FGD6: variants seen among roughly 807,000 people sequenced by gnomAD.
FGD6 encodes FYVE, RhoGEF and PH domain-containing protein 6.
In FGD6, 90 loss-of-function variants were observed where a neutral mutation model predicts 149.4. The observed-to-expected ratio is 0.60, with a 90% confidence interval of 0.51 to 0.72. The LOEUF is 0.72. Ranked by LOEUF, FGD6 falls within the 30% of genes least tolerant of loss-of-function variation. The pLI is 0.00. For missense variants in FGD6, 1,437 were observed against 1,684.8 expected, an observed-to-expected ratio of 0.85 and a Z score of 2.57; for synonymous variants, 527 against 584.0, an observed-to-expected ratio of 0.90 and a Z score of 1.41.
chr12:95,196,002 A>C (rs1032116868), intron 2 of FGD6, among the ~76,000 whole-genome samples: 1 of 151,594 alleles, frequency 6.6e-6, no homozygotes, highest in Admixed American at 6.6e-5. Context: ...CACGTCTCTA[A>C]TCAGCTACTT....
At chr12:95,105,851 C>G (rs1257326274) in intron 13 of FGD6, among the ~76,000 whole-genome samples, 1 of 152,020 alleles carries the variant, frequency 6.6e-6, no homozygotes, top group Non-Finnish European at 1.5e-5. Context: ...TAGTGAAACC[C>G]CGTCTCTGTG....
intron 5 of FGD6, among the ~76,000 whole-genome samples, chr12:95,143,441 C>T (rs1216096207): frequency 6.6e-6 from 1 of 152,188 alleles, no homozygotes; most frequent in East Asian, 1.9e-4. Context: ...ACTTAGGACT[C>T]AGTACCTGGG....
Position 95,217,424 on chromosome 12 carries a change from G to C in FGD6, c.-184C>G, listed in dbSNP as rs897132825. On this transcript the variant is annotated 5_prime_UTR_variant, in exon 1 of 21. Transcript: ENST00000343958. ...CGGCCGACTCTAGCGACCCTGCGGC[G>C]CTCCCGGGCGCGAGCCGCCGGGGTC... 1.0e-6 allele frequency: 1 copy of C among 984,262 alleles called. No individual in the cohort carries two copies. The highest frequency in any genetic ancestry group is 2.4e-5 in the South Asian group (1 of 41,300). The allele number at this position is 984,262 out of a possible 1,614,324, so 61.0% of individuals were successfully genotyped here.
intron 5 of FGD6, among the ~76,000 whole-genome samples, chr12:95,148,679 T>C (rs1336129149): frequency 5.5e-5 from 6 of 108,726 alleles, no homozygotes; most frequent in East Asian, 2.4e-4. Flanking sequence ...TAGCATATGT[T>C]ATATTATATA....
At chr12:95,202,642 C>T (rs1432425954) in intron 2 of FGD6, among the ~76,000 whole-genome samples, 2 of 152,052 alleles carry the variant, frequency 1.3e-5, no homozygotes, top group Non-Finnish European at 2.9e-5. Flanking sequence ...AATCCTCCTG[C>T]CTCGGCCTCC....
chr12:95,107,480 C>A, intron 12 of FGD6, 83 bp downstream of exon 12: 1 of 1,363,916 alleles, frequency 7.3e-7, no homozygotes. Flanking sequence ...AGGTGCTAAG[C>A]TTATCTACCA....
intron 6 of FGD6, among the ~76,000 whole-genome samples, chr12:95,139,220 A>G (rs930925646): frequency 6.6e-6 from 1 of 152,178 alleles, no homozygotes; most frequent in Admixed American, 6.5e-5. Flanking sequence ...CGAGAGGATC[A>G]CTTGAGCCCA....
chr12:95,183,194 T>G (rs1299885225), intron 2 of FGD6, among the ~76,000 whole-genome samples: 2 of 152,324 alleles, frequency 1.3e-5, no homozygotes, highest in South Asian at 4.1e-4. Context: ...TAAAGTCCCC[T>G]GGCCACCCTC....
At chr12:95,182,001 G>A (rs1881296073) in intron 2 of FGD6, among the ~76,000 whole-genome samples, 1 of 150,634 alleles carries the variant, frequency 6.6e-6, no homozygotes, top group South Asian at 2.1e-4. Context: ...CACCAAAGAT[G>A]ATGTTTCTCT....
At chr12:95,207,102 G>A (rs1038412308) in intron 2 of FGD6, among the ~76,000 whole-genome samples, 3 of 151,716 alleles carry the variant, frequency 2.0e-5, no homozygotes, top group Admixed American at 6.6e-5. Context: ...GGAGGGACCC[G>A]GTGGGAGGTA....
intron 3 of FGD6, among the ~76,000 whole-genome samples, chr12:95,162,100 CA>C (rs762218917): frequency 0.025 from 1,522 of 61,802 alleles, 24 homozygotes; most frequent in African/African-American, 0.074. Flanking sequence ...CTGAAAAATA[CA>C]AAAAAAAAAA....
intron 8 of FGD6, among the ~76,000 whole-genome samples, chr12:95,121,591 T>G (rs1024338192): frequency 6.6e-6 from 1 of 151,192 alleles, no homozygotes; most frequent in Non-Finnish European, 1.5e-5. Flanking sequence ...GTTTTATAAT[T>G]CTTCATATTT....
intron 8 of FGD6, among the ~76,000 whole-genome samples, chr12:95,127,121 T>A (rs879522278): frequency 9.6e-4 from 143 of 148,354 alleles, no homozygotes; most frequent in Non-Finnish European, 8.7e-4. Flanking sequence ...CAGCCCTACT[T>A]TTTTTTTTTT....
chr12:95,184,829 C>G (rs958632803), intron 2 of FGD6, among the ~76,000 whole-genome samples: 1 of 146,088 alleles, frequency 6.8e-6, no homozygotes, highest in African/African-American at 2.5e-5. Context: ...GTGATTTGCC[C>G]GCCTTGGCCT....
chr12:95,169,572 G>T (rs1022996676), intron 3 of FGD6, among the ~76,000 whole-genome samples: 4 of 152,174 alleles, frequency 2.6e-5, no homozygotes, highest in African/African-American at 9.7e-5. Context: ...ATCACAGGAT[G>T]TGTTGGAAAC....
chr12:95,165,061 T>G (rs1332572631), intron 3 of FGD6, among the ~76,000 whole-genome samples: 1 of 152,114 alleles, frequency 6.6e-6, no homozygotes, highest in Non-Finnish European at 1.5e-5. Flanking sequence ...AAACAAGCAT[T>G]TAAGCCCTGA....
intron 8 of FGD6, chr12:95,117,036 G>A (rs575513048): frequency 5.3e-6 from 2 of 379,098 alleles, no homozygotes; most frequent in East Asian, 1.5e-4. Context: ...TGGTCATAGT[G>A]AACCACCTAT....
chr12:95,098,938 C>T (rs1222963637), intron 14 of FGD6, among the ~76,000 whole-genome samples: 3 of 144,226 alleles, frequency 2.1e-5, no homozygotes, highest in Non-Finnish European at 4.5e-5. Context: ...GGTGCGATCT[C>T]GGCTCACTGT....
At chr12:95,216,179 G>A (rs898861441) in intron 1 of FGD6, among the ~76,000 whole-genome samples, 1 of 152,164 alleles carries the variant, frequency 6.6e-6, no homozygotes, top group Non-Finnish European at 1.5e-5. Flanking sequence ...ATATATCTAG[G>A]CTTTAGAAAT....
Sources: gnomAD v4.1 joint callset for allele counts (sites outside exome capture counted in the v4.1 genomes callset) on GRCh38, gnomAD v4.1.1 for gene constraint, MANE v1.5 for transcripts, NCBI Gene and HGNC (gene_info 2026-07-23, HGNC 2026-07-21) for gene names.